Variants in UNC79 observed in about 807,000 individuals in gnomAD.
UNC79 encodes unc-79 subunit of NALCN channel complex, also known as protein unc-79 homolog.
A neutral mutation model predicts 283.1 loss-of-function variants in UNC79; 37 were observed. The ratio of observed to expected loss-of-function variants is 0.13; its 90% confidence interval spans 0.10 to 0.17. The LOEUF is 0.17. Ranked by LOEUF, UNC79 falls within the 10% of genes least tolerant of loss-of-function variation. The pLI is 1.00. For synonymous variants in UNC79, 1,107 were observed against 1,200.2 expected (o/e 0.92, Z 1.61); for missense variants, 2,272 against 3,211.1 (o/e 0.71, Z 7.07).
intron 47 of UNC79, among the ~76,000 whole-genome samples, chr14:93,698,635 A>G (rs7154509): frequency 0.065 from 9,881 of 151,576 alleles, 948 homozygotes; most frequent in African/African-American, 0.21. Flanking sequence ...ACAGGTGCCC[A>G]CCGCCATGCC....
In UNC79 at chr14:93,546,059, C is replaced by G. The variant is rs2061585453; in HGVS notation, c.1755+3363C>G. On this transcript the variant is annotated intron_variant, in intron 14 of 48. Transcript: ENST00000555664. Reference sequence around the variant, plus strand: ...GGTGGAGCCATGGGTGTCAGACATGCAAAAAAACATGAAAAGCTATCTCAA... The same window carrying G: ...GGTGGAGCCATGGGTGTCAGACATGGAAAAAAACATGAAAAGCTATCTCAA... Among the ~76,000 whole-genome samples, 3 of 151,794 alleles carry G rather than the reference C, an allele frequency of 2.0e-5. No homozygotes were observed. In the South Asian group the frequency reaches 6.3e-4, roughly 32 times the overall value.
rs1173282799 is a variant in UNC79, at chr14:93,474,325, A to T, written c.380A>T (p.Tyr127Phe). The T allele has an allele frequency of 3.3e-6, 5 of 1,536,072 alleles. No homozygotes were observed. The highest frequency in any genetic ancestry group is 4.4e-6 in the Non-Finnish European group (5 of 1,146,860). The change falls in exon 3 of 49, where the codon TAC becomes TTC. Residue 127 changes from tyrosine to phenylalanine, a missense_variant. Around this residue, in one of 11 missense-constraint regions of UNC79, gnomAD observed 194 missense variants for 268.9 expected, o/e 0.72. Coordinates refer to ENST00000555664, the Ensembl canonical transcript of UNC79. This position sits in a 1 kb window ranked among gnomAD's most constrained non-coding sequence, Gnocchi z 4.1. Reference sequence around the variant, plus strand: ...TTGTCAGACTACCCTTCTTTGGACTACCAAGGCCTCTACGTGACTTTGGTG... The same window carrying T: ...TTGTCAGACTACCCTTCTTTGGACTTCCAAGGCCTCTACGTGACTTTGGTG...
chr14:93,359,600 G>A (rs896491974), intron 1 of UNC79, among the ~76,000 whole-genome samples: 6 of 152,224 alleles, frequency 3.9e-5, no homozygotes, highest in African/African-American at 1.4e-4. Flanking sequence ...TCTGACTCGT[G>A]TAGAGCTCTG....
At chr14:93,513,258 G>A (rs979174056) in intron 7 of UNC79, among the ~76,000 whole-genome samples, 1 of 122,602 alleles carries the variant, frequency 8.2e-6, no homozygotes, top group Non-Finnish European at 1.6e-5. Flanking sequence ...TCTCACTCTT[G>A]CCTAGGCTGG....
intron 14 of UNC79, among the ~76,000 whole-genome samples, chr14:93,569,620 G>A (rs2063102873): frequency 6.6e-6 from 1 of 152,158 alleles, no homozygotes; most frequent in Admixed American, 6.5e-5. Flanking sequence ...TGACAAACAG[G>A]AAATTCTCCC....
chr14:93,681,299 C>T (rs576520280), intron 41 of UNC79, among the ~76,000 whole-genome samples: 2 of 152,210 alleles, frequency 1.3e-5, no homozygotes, highest in Admixed American at 6.5e-5. Context: ...CCATGGAGGA[C>T]GCCCCTCCCA....
chr14:93,496,321 A>G (rs966636247), intron 5 of UNC79, 90 bp from the exon 6 acceptor site: 20 of 809,420 alleles, frequency 2.5e-5, no homozygotes, highest in Admixed American at 3.4e-5. Context: ...CTGAAAAGTC[A>G]TATTGAAGTA....
chr14:93,545,158 T>G (rs2061539090), intron 14 of UNC79, among the ~76,000 whole-genome samples: 1 of 152,224 alleles, frequency 6.6e-6, no homozygotes, highest in African/African-American at 2.4e-5. Flanking sequence ...TCAAAGGTGA[T>G]GAACAGGACT....
chr14:93,473,614 A>G (rs2057640331), intron 2 of UNC79, among the ~76,000 whole-genome samples: 1 of 152,188 alleles, frequency 6.6e-6, no homozygotes, highest in Admixed American at 6.5e-5. Flanking sequence ...CTTTGCTGAA[A>G]CATGTTTCTG....
chr14:93,666,065 TTGTG>T (rs3993787), intron 40 of UNC79, among the ~76,000 whole-genome samples: 120 of 149,836 alleles, frequency 8.0e-4, no homozygotes, highest in Admixed American at 1.2e-3. Flanking sequence ...GGGTGTGTGT[TTGTG>T]TGTGTGTGTG....
At chr14:93,677,658 CT>C (rs531994020) in intron 41 of UNC79, among the ~76,000 whole-genome samples, 1 of 151,228 alleles carries the variant, frequency 6.6e-6, no homozygotes, top group African/African-American at 2.4e-5. Context: ...AGTAGTTCCT[CT>C]TTTTTTTTGA....
At chr14:93,540,816 C>T (rs760718138) in exon 13 of UNC79, 35 of 1,612,726 alleles carry the variant, frequency 2.2e-5, no homozygotes, top group South Asian at 1.8e-4. Flanking sequence ...TCAGTCAATT[C>T]GGAATATGGT....
intron 38 of UNC79, 55 bp from the exon 42 acceptor site, chr14:93,659,138 A>G (rs1184397115): frequency 9.7e-6 from 14 of 1,439,296 alleles, no homozygotes; most frequent in Non-Finnish European, 1.2e-5. Context: ...TATTTGAAGC[A>G]AAAGTTATAT....
At chr14:93,457,679 A>G (rs1277137815) in intron 1 of UNC79, among the ~76,000 whole-genome samples, 1 of 152,250 alleles carries the variant, frequency 6.6e-6, no homozygotes, top group East Asian at 1.9e-4. Context: ...AATCAGCAGA[A>G]AATGAGGAAG....
rs1486660548 is a variant in UNC79 at position 93,621,798 on chromosome 14, G to C, written c.4565G>C (p.Cys1522Ser). The C allele has an allele frequency of 2.5e-6, 4 of 1,614,008 alleles. No homozygotes were observed. Among genetic ancestry groups the C allele is most frequent in the Non-Finnish European group, 3.4e-6 (4 of 1,180,028 alleles). Residue 1522 changes from cysteine to serine, a missense_variant, in exon 30 of 49, where the codon TGC becomes TCC. By Grantham distance (112) the Cys-to-Ser change is moderately radical. This residue lies in a region of UNC79 where 580 missense variants were observed against 632.2 expected (regional missense o/e 0.92). Coordinates refer to ENST00000555664, the Ensembl canonical transcript of UNC79. The surrounding 1 kb of genome is among the most constrained non-coding windows in gnomAD (Gnocchi z 4.8). ...TTAGACGAACATCGTAGGAAGTCGT[G>C]CATAGATCGGTGTGACATAGAGAAG...
At chr14:93,563,178 A>T (rs12590232) in intron 14 of UNC79, among the ~76,000 whole-genome samples, 151,980 of 152,276 alleles carry the variant, frequency 1, 75,845 homozygotes, top group Middle Eastern at 1. Flanking sequence ...GAAGTTTCAA[A>T]GGGGGAGTAG....
upstream of UNC79, among the ~76,000 whole-genome samples, chr14:93,429,497 T>A (rs2055806614): frequency 6.6e-6 from 1 of 152,222 alleles, no homozygotes; most frequent in Non-Finnish European, 1.5e-5. Context: ...TCCCTGTTAT[T>A]TGTAGATTTT....
At chr14:93,402,482 G>C (rs750743767) in intron 1 of UNC79, among the ~76,000 whole-genome samples, 25 of 151,710 alleles carry the variant, frequency 1.6e-4, no homozygotes, top group African/African-American at 4.6e-4. Context: ...GAACTGAGAA[G>C]AGGTAGATAT....
intron 1 of UNC79, among the ~76,000 whole-genome samples, chr14:93,348,572 C>T (rs568384750): frequency 2.1e-4 from 32 of 152,228 alleles, no homozygotes; most frequent in African/African-American, 7.7e-4. Flanking sequence ...ACTGCCATGC[C>T]ACACTTCACA....
Sources: allele counts gnomAD v4.1 joint callset (sites outside exome capture counted in the v4.1 genomes callset), GRCh38; gene constraint gnomAD v4.1.1; regional missense constraint gnomAD v4.1.1; non-coding constraint Gnocchi (gnomAD v3.1); transcripts MANE v1.5; gene names NCBI Gene and HGNC (gene_info 2026-07-23, HGNC 2026-07-21).